PDGFD: variants seen among roughly 807,000 people sequenced by gnomAD.
The protein encoded by PDGFD is platelet derived growth factor D.
A neutral mutation model predicts 44.7 loss-of-function variants in PDGFD; 30 were observed. The observed-to-expected ratio is 0.67, with a 90% CI of 0.50 to 0.91. The LOEUF is 0.91. Among genes scored for constraint, PDGFD ranks in the 40% least tolerant of loss-of-function variants. The pLI is 0.00. For synonymous variants in PDGFD, 173 were observed against 168.4 expected (o/e 1.03, Z -0.21); for missense variants, 445 against 457.8 (o/e 0.97, Z 0.25).
chr11:103,941,932 C>T (rs1486002410), intron 5 of PDGFD, among the ~76,000 whole-genome samples: 1 of 152,024 alleles, frequency 6.6e-6, no homozygotes, highest in Non-Finnish European at 1.5e-5. Flanking sequence ...ACAGCAATGT[C>T]TTACAGAAAA....
chr11:104,084,786 A>AATATAAAATATATATTTTATAAGTATT, intron 1 of PDGFD, among the ~76,000 whole-genome samples: 1 of 146,464 alleles, frequency 6.8e-6, no homozygotes, highest in Admixed American at 6.9e-5. Flanking sequence ...TACATAAAAT[A>AATATAAAATATATATTTTATAAGTATT]ATATAAAATA....
At chr11:103,941,571 T>C (rs920693111) in intron 5 of PDGFD, among the ~76,000 whole-genome samples, 1 of 151,910 alleles carries the variant, frequency 6.6e-6, no homozygotes, top group African/African-American at 2.4e-5. Flanking sequence ...TCCCCAGAAG[T>C]AGGTGTTATT....
chr11:103,980,411 A>G (rs1172619088), intron 3 of PDGFD, among the ~76,000 whole-genome samples: 2 of 152,092 alleles, frequency 1.3e-5, no homozygotes, highest in Non-Finnish European at 2.9e-5. Context: ...TCAAAGGTAT[A>G]TTTCAGCTAT....
intron 1 of PDGFD, among the ~76,000 whole-genome samples, chr11:104,085,019 A>C (rs1314980645): frequency 6.6e-6 from 1 of 150,516 alleles, no homozygotes; most frequent in Non-Finnish European, 1.5e-5. Context: ...AATATCTTAC[A>C]TAACCATAGT....
At chr11:104,137,899 A>C (rs180831595) in intron 1 of PDGFD, among the ~76,000 whole-genome samples, 24 of 152,126 alleles carry the variant, frequency 1.6e-4, no homozygotes, top group African/African-American at 5.1e-4. Context: ...GTACCCTCCC[A>C]GACACACCCT....
At chr11:104,159,805 G>T (rs1488045648) in intron 1 of PDGFD, among the ~76,000 whole-genome samples, 1 of 152,126 alleles carries the variant, frequency 6.6e-6, no homozygotes, top group Non-Finnish European at 1.5e-5. Context: ...ACTCATTATG[G>T]TCATTAATGT....
At chr11:104,146,602 T>G (rs1862166048) in intron 1 of PDGFD, among the ~76,000 whole-genome samples, 1 of 152,148 alleles carries the variant, frequency 6.6e-6, no homozygotes, top group Non-Finnish European at 1.5e-5. Flanking sequence ...CATCAAGTTA[T>G]GCATATAAAA....
chr11:104,070,013 C>T (rs544180718), intron 1 of PDGFD, among the ~76,000 whole-genome samples: 1 of 148,364 alleles, frequency 6.7e-6, no homozygotes, highest in East Asian at 1.9e-4. Flanking sequence ...CAGATTTGGC[C>T]GGTGGAAGCC....
At chr11:104,102,521 C>G (rs12279660) in intron 1 of PDGFD, among the ~76,000 whole-genome samples, 8,365 of 152,088 alleles carry the variant, frequency 0.055, 359 homozygotes, top group African/African-American at 0.12. Context: ...TCAGTTTGGC[C>G]ATTCCTCAAG....
intron 1 of PDGFD, among the ~76,000 whole-genome samples, chr11:104,047,703 T>G (rs532140765): frequency 1.6e-5 from 2 of 123,898 alleles, no homozygotes; most frequent in East Asian, 2.1e-4. Context: ...TTTTAGGTTG[T>G]GGCAATTGTG....
At chr11:103,976,687 T>G (rs373667931) in intron 3 of PDGFD, among the ~76,000 whole-genome samples, 1 of 152,204 alleles carries the variant, frequency 6.6e-6, no homozygotes, top group Non-Finnish European at 1.5e-5. Context: ...GCTCTTATTA[T>G]TGAGATACGT....
chr11:104,132,013 C>A (rs1861930765), intron 1 of PDGFD, among the ~76,000 whole-genome samples: 1 of 151,820 alleles, frequency 6.6e-6, no homozygotes, highest in Non-Finnish European at 1.5e-5. Flanking sequence ...AAACACTATC[C>A]CCTTCAGGCT....
At chr11:104,026,737 T>C (rs921085565) in intron 1 of PDGFD, among the ~76,000 whole-genome samples, 6 of 152,216 alleles carry the variant, frequency 3.9e-5, no homozygotes. Flanking sequence ...TGTGAAATGT[T>C]TGATCTCCTT....
chr11:104,099,158 T>C (rs915519518), intron 1 of PDGFD, among the ~76,000 whole-genome samples: 1 of 152,184 alleles, frequency 6.6e-6, no homozygotes, highest in Non-Finnish European at 1.5e-5. Context: ...ACTACCCAGC[T>C]AATCATCAGC....
chr11:104,060,746 A>AT (rs2134413439), intron 1 of PDGFD, among the ~76,000 whole-genome samples: 1 of 152,234 alleles, frequency 6.6e-6, no homozygotes, highest in East Asian at 1.9e-4. Context: ...CTGTGCGTGT[A>AT]TTTTTTAACA....
At chr11:103,978,295 C>CT (rs976734596) in intron 3 of PDGFD, among the ~76,000 whole-genome samples, 4 of 151,868 alleles carry the variant, frequency 2.6e-5, no homozygotes, top group Admixed American at 6.6e-5. Context: ...GGGCTGTTTT[C>CT]TTTTTTTATG....
chr11:104,084,263 A>G (rs1861088959), intron 1 of PDGFD, among the ~76,000 whole-genome samples: 3 of 152,178 alleles, frequency 2.0e-5, no homozygotes. Flanking sequence ...TAGGGTGAAA[A>G]CCAAACAGTA....
At chr11:104,100,354 G>A (rs1861356513) in intron 1 of PDGFD, among the ~76,000 whole-genome samples, 1 of 151,960 alleles carries the variant, frequency 6.6e-6, no homozygotes, top group African/African-American at 2.4e-5. Flanking sequence ...AAATAAACTA[G>A]AAAATCTAGA....
At chr11:104,095,029 T>C (rs534942794) in intron 1 of PDGFD, among the ~76,000 whole-genome samples, 1 of 152,104 alleles carries the variant, frequency 6.6e-6, no homozygotes, top group Non-Finnish European at 1.5e-5. Context: ...CTGCCTAAAC[T>C]TTTTTTTCCT....
Sources: allele counts gnomAD v4.1 joint callset (sites outside exome capture counted in the v4.1 genomes callset), GRCh38; gene constraint gnomAD v4.1.1; transcripts MANE v1.5; gene names NCBI Gene and HGNC (gene_info 2026-07-23, HGNC 2026-07-21).